Variants in PIWIL3 observed in about 807,000 individuals in gnomAD.
PIWIL3 encodes piwi-like protein 3.
A neutral mutation model predicts 109.7 loss-of-function variants in PIWIL3; 101 were observed. The observed-to-expected ratio is 0.92, with a 90% CI of 0.78 to 1.09. The LOEUF is 1.09. Ranked by LOEUF, PIWIL3 falls within the 50% of genes least tolerant of loss-of-function variation. The pLI is 0.00. For synonymous variants in PIWIL3, 373 were observed against 376.4 expected (o/e 0.99, Z 0.10); for missense variants, 1,031 against 1,072.6 (o/e 0.96, Z 0.54).
intron 13 of PIWIL3, among the ~76,000 whole-genome samples, chr22:24,735,269 G>A (rs1035411201): frequency 1.3e-5 from 2 of 152,078 alleles, no homozygotes; most frequent in African/African-American, 4.8e-5. Flanking sequence ...GACTTTGGGT[G>A]ATTATGATAT....
At chr22:24,754,587 G>A (rs113466128) in intron 7 of PIWIL3, among the ~76,000 whole-genome samples, 197 bp downstream of exon 7, 4 of 152,224 alleles carry the variant, frequency 2.6e-5, no homozygotes, top group South Asian at 4.1e-4. Flanking sequence ...TATCTCAAAC[G>A]TTTATATTTG....
chr22:24,744,206 A>AAAAAAAAAC (rs1243624300), intron 12 of PIWIL3, among the ~76,000 whole-genome samples: 2 of 148,338 alleles, frequency 1.3e-5, no homozygotes, highest in African/African-American at 2.5e-5. Context: ...AAAAAAAAAA[A>AAAAAAAAAC]ACAATGATCT....
At chr22:24,765,819 G>C (rs1434216731) in intron 1 of PIWIL3, among the ~76,000 whole-genome samples, 1 of 151,666 alleles carries the variant, frequency 6.6e-6, no homozygotes, top group Admixed American at 6.6e-5. Context: ...AGATTTTAGG[G>C]CTTTTATTTT....
rs530475941 is a variant in PIWIL3 at position 24,726,575 on chromosome 22, G to T, written c.2010-1060C>A. ...GCTGGGATTACAGGCGTGAGCCGCC[G>T]CACCCGGCGGTATTGGCTATTTTCA... On this transcript the variant is annotated intron_variant, in intron 16 of 20. Coordinates refer to ENST00000616349, the MANE Select transcript of PIWIL3 (RefSeq NM_001255975.1). Among the ~76,000 whole-genome samples the T allele has an allele frequency of 2.0e-5, 3 of 152,256 alleles. No homozygotes were observed. The South Asian group carries it at 6.2e-4, about 32-fold the overall frequency.
chr22:24,727,932 C>G lies in PIWIL3; in HGVS notation c.2009+18G>C, dbSNP rs765069856. The G allele has an allele frequency of 6.3e-7, 1 of 1,579,968 alleles. No homozygotes were observed. The highest frequency in any genetic ancestry group is 1.1e-5 in the South Asian group (1 of 90,152). On this transcript the variant is annotated intron_variant, in intron 16 of 20. Transcript: ENST00000616349. Reference sequence around the variant, plus strand: ...ACAGTCAGCTACTAACTAAACATGTCTACCAGAGCTTACTTACTTTGTTAA... The same window carrying G: ...ACAGTCAGCTACTAACTAAACATGTGTACCAGAGCTTACTTACTTTGTTAA...
At chr22:24,764,769 C>T (rs1925691010) in intron 1 of PIWIL3, among the ~76,000 whole-genome samples, 1 of 151,964 alleles carries the variant, frequency 6.6e-6, no homozygotes, top group Non-Finnish European at 1.5e-5. Context: ...CCTCCCACTT[C>T]CGGGCGTCCT....
At chr22:24,742,148 C>G (rs1924043251) in intron 12 of PIWIL3, among the ~76,000 whole-genome samples, 1 of 76,716 alleles carries the variant, frequency 1.3e-5, no homozygotes, top group Non-Finnish European at 2.5e-5. Flanking sequence ...TTTACAATAG[C>G]TGCAAAAAAA....
At position 24,754,799 on chromosome 22, in the gene PIWIL3, T is replaced by G; in HGVS notation, c.758A>C (p.Gln253Pro). 1 of 1,609,140 alleles carries G rather than the reference T, an allele frequency of 6.2e-7. No homozygotes were observed. The highest frequency in any genetic ancestry group is 8.5e-7 in the Non-Finnish European group (1 of 1,175,590). ...TTATACAAACCCATGACGGTATAAC[T>G]GAATGGCCTTCTTTTTGGTATAATA... Reference protein sequence around the residue: ...RNYYTKKKAIQLYRHGTSLEI... With the variant: ...RNYYTKKKAIPLYRHGTSLEI... The change falls in exon 7 of 21, where the codon CAG becomes CCG. Residue 253 changes from glutamine (Q) to proline (P), a missense_variant. By Grantham distance (76) the Gln-to-Pro change is moderately conservative. Coordinates refer to ENST00000616349, the MANE Select transcript of PIWIL3 (RefSeq NM_001255975.1).
At chr22:24,764,219 C>T (rs550745403) in intron 1 of PIWIL3, among the ~76,000 whole-genome samples, 1 of 152,376 alleles carries the variant, frequency 6.6e-6, no homozygotes, top group South Asian at 2.1e-4. Context: ...CGATGAGCTG[C>T]ACGTGGCGGA....
intron 13 of PIWIL3, 122 bp downstream of exon 13, chr22:24,735,586 T>A (rs1923608971): frequency 1.1e-6 from 1 of 946,032 alleles, no homozygotes; most frequent in Non-Finnish European, 1.5e-6. Flanking sequence ...TGACTAGAGA[T>A]TAGACTTTAC....
chr22:24,727,524 C>A (rs539959520), intron 16 of PIWIL3, among the ~76,000 whole-genome samples: 1 of 152,324 alleles, frequency 6.6e-6, no homozygotes, highest in East Asian at 1.9e-4. Context: ...AACCAGGGAC[C>A]TCTGTCATCT....
chr22:24,723,166 C>A lies in PIWIL3; in HGVS notation c.2321G>T (p.Gly774Val). 1 of 1,613,266 alleles carries A rather than the reference C, an allele frequency of 6.2e-7. No individual in the cohort carries two copies. The highest frequency in any genetic ancestry group is 8.5e-7 in the Non-Finnish European group (1 of 1,179,364). Reference protein sequence around the residue: ...HGSNFQNPPPGTVIDVELTRN... With the variant: ...HGSNFQNPPPVTVIDVELTRN... ...AGTCAACTCTACATCAATAACTGTT[C>A]CTGGAGGTGGATTTTGAAAATTGCT... Residue 774 changes from glycine to valine, a missense_variant, in exon 19 of 21, where the codon GGA becomes GTA. Coordinates refer to ENST00000616349, the MANE Select transcript of PIWIL3 (RefSeq NM_001255975.1).
At chr22:24,729,529 A>G (rs527671822) in intron 14 of PIWIL3, among the ~76,000 whole-genome samples, 2 of 152,238 alleles carry the variant, frequency 1.3e-5, no homozygotes, top group Admixed American at 1.3e-4. Context: ...GATTTTCCAA[A>G]TTTTCAAATA....
intron 12 of PIWIL3, among the ~76,000 whole-genome samples, chr22:24,742,628 G>A (rs1219897284): frequency 6.6e-6 from 1 of 152,166 alleles, no homozygotes; most frequent in Non-Finnish European, 1.5e-5. Context: ...CTTTGACAAA[G>A]CAAACAAAAA....
chr22:24,725,424 C>A, intron 17 of PIWIL3, 21 bp downstream of exon 17: 1 of 1,612,532 alleles, frequency 6.2e-7, no homozygotes, highest in Non-Finnish European at 8.5e-7. Context: ...TCGGGTTCCC[C>A]GACCGCTACA....
chr22:24,760,805 C>CAAAAAAAAAAAAAAAAAAAAAA (rs1925391032), intron 2 of PIWIL3, among the ~76,000 whole-genome samples: 1 of 89,286 alleles, frequency 1.1e-5, no homozygotes, highest in African/African-American at 4.1e-5. Context: ...AAAAAAAAAG[C>CAAAAAAAAAAAAAAAAAAAAAA]TGTGACAGGA....
intron 6 of PIWIL3, 93 bp downstream of exon 6, chr22:24,755,691 C>A: frequency 6.7e-7 from 1 of 1,496,638 alleles, no homozygotes; most frequent in Non-Finnish European, 9.2e-7. Flanking sequence ...CTAGGAAGAA[C>A]ACTAAGTGCT....
Position 24,728,158 on chromosome 22 carries a change from T to G in PIWIL3, c.1905+19A>C, listed in dbSNP as rs1232885928. 1.9e-6 allele frequency: 3 copies of G among 1,612,064 alleles called. No individual in the cohort carries two copies. The highest frequency in any genetic ancestry group is 2.5e-6 in the Non-Finnish European group (3 of 1,178,294). On this transcript the variant is annotated intron_variant, in intron 15 of 20. Transcript: ENST00000616349. ...TTTATTAGAAGTAAGTTAAACGAAGTCAGTGAAATACAACATACGTCTGTC... is the reference window on the plus strand; with the variant it reads ...TTTATTAGAAGTAAGTTAAACGAAGGCAGTGAAATACAACATACGTCTGTC...
intron 1 of PIWIL3, among the ~76,000 whole-genome samples, chr22:24,773,745 CACT>C (rs1926266470): frequency 8.7e-6 from 1 of 114,858 alleles, no homozygotes; most frequent in Non-Finnish European, 1.7e-5. Flanking sequence ...GAGTCTCACT[CACT>C]CTGTTGCCCA....
Sources: allele counts gnomAD v4.1 joint callset (sites outside exome capture counted in the v4.1 genomes callset), GRCh38; gene constraint gnomAD v4.1.1; transcripts MANE v1.5; gene names NCBI Gene and HGNC (gene_info 2026-07-23, HGNC 2026-07-21).